The following ARID1B variants were observed in gnomAD, a reference collection of about 807,000 sequenced individuals.
ARID1B encodes AT-rich interactive domain-containing protein 1B.
A neutral mutation model predicts 212.3 loss-of-function variants in ARID1B; 30 were observed. The ratio of observed to expected loss-of-function variants is 0.14; its 90% CI spans 0.11 to 0.19. The LOEUF is 0.19. Among genes scored for constraint, ARID1B ranks in the 10% least tolerant of loss-of-function variants. The pLI is 1.00. For missense variants in ARID1B, 2,891 were observed against 3,204.0 expected (o/e 0.90, Z 2.36); for synonymous variants, 1,402 against 1,301.7 (o/e 1.08, Z -1.66).
chr6:157,202,673 C>A (rs1794184699), intron 18 of ARID1B, among the ~76,000 whole-genome samples: 1 of 150,828 alleles, frequency 6.6e-6, no homozygotes. Flanking sequence ...CACACATATT[C>A]CTTTATATAT....
In ARID1B at chr6:157,181,121, G is replaced by A. The variant is rs374705142; in HGVS notation, c.3657G>A (p.Lys1219=). ...CAAGTCTGCCTGCCGTGGGCAAGAA[G>A]CCCCTGGACCTGTTCCGACTCTACG... ...PVSSLPAVGK[K]PLDLFRLYVC... Residue 1219 remains lysine (K), a synonymous_variant, in exon 12 of 20, where the codon AAG becomes AAA. Transcript: ENST00000636930. 2.5e-6 allele frequency: 4 copies of A among 1,614,100 alleles called. No homozygotes were observed. The African/African-American group carries it at 5.3e-5, about 22-fold the overall frequency.
intron 7 of ARID1B, among the ~76,000 whole-genome samples, chr6:157,146,179 T>C (rs1012084914): frequency 3.9e-5 from 6 of 152,118 alleles, no homozygotes; most frequent in African/African-American, 1.4e-4. Flanking sequence ...ATAAGTGCCC[T>C]TTCCCCTCTT....
Position 156,778,607 on chromosome 6 carries a change from C to A in ARID1B, c.927C>A (p.Ala309=), listed in dbSNP as rs1450163641. Residue 309 remains alanine, a synonymous_variant, in exon 1 of 20, where the codon GCC becomes GCA. Transcript: ENST00000636930. ...CCGGGGGCGGCGGCGGCCCGGCGGCCGTCCCGGAGTTTAATAATTACTATG... is the reference window on the plus strand; with the variant it reads ...CCGGGGGCGGCGGCGGCCCGGCGGCAGTCCCGGAGTTTAATAATTACTATG... ...AVPGGGGGPA[A]VPEFNNYYGS... is the part of the protein sequence containing the mutation. The A allele has an allele frequency of 6.1e-6, 8 of 1,305,228 alleles. No homozygotes were observed. In the African/African-American group the frequency reaches 1.1e-4, roughly 18 times the overall value. 80.9% of individuals were successfully genotyped at this position (1,305,228 alleles called of 1,614,324 possible).
In ARID1B at chr6:156,987,758, A is replaced by AC. The variant is rs200694511; in HGVS notation, c.2247+52183dup. 5.2e-3 allele frequency among the ~76,000 whole-genome samples: 797 copies of AC among 152,364 alleles called. 4 individuals carry two copies. The highest frequency in any genetic ancestry group is 0.018 in the African/African-American group (759 of 41,588). ...TCTCATACTTGATAGTTATAGTAAT[A>AC]CATAAGCTTTAGTCATTGACAGGCC... On this transcript the variant is annotated intron_variant, in intron 4 of 19. Transcript: ENST00000636930.
At chr6:157,132,579 C>T (rs777143499) in intron 6 of ARID1B, among the ~76,000 whole-genome samples, 8 of 152,266 alleles carry the variant, frequency 5.3e-5, no homozygotes, top group Middle Eastern at 6.8e-3. Context: ...CTGGGTCTGA[C>T]GAGTGGGATC....
intron 15 of ARID1B, chr6:157,194,457 A>C (rs1328354284): frequency 2.6e-5 from 4 of 152,240 alleles, no homozygotes; most frequent in African/African-American, 9.6e-5. Flanking sequence ...ACATAAAAGT[A>C]ACTATCATAG....
At chr6:156,893,688 A>C (rs1788146997) in intron 2 of ARID1B, among the ~76,000 whole-genome samples, 1 of 152,218 alleles carries the variant, frequency 6.6e-6, no homozygotes, top group South Asian at 2.1e-4. Context: ...ACTCAACAGC[A>C]CTGATCATTA....
chr6:157,018,833 A>G (rs1326622331), intron 4 of ARID1B, among the ~76,000 whole-genome samples: 2 of 152,230 alleles, frequency 1.3e-5, no homozygotes, highest in Non-Finnish European at 2.9e-5. Context: ...TATATATACA[A>G]CAGTAAAATT....
chr6:157,110,844 T>A (rs1429075347), intron 6 of ARID1B: 2 of 473,286 alleles, frequency 4.2e-6, no homozygotes, highest in African/African-American at 3.9e-5. Context: ...TGTAGTCTGG[T>A]ATTTGGTCTA....
chr6:157,124,018 A>T (rs1162209342), intron 6 of ARID1B, among the ~76,000 whole-genome samples: 1 of 152,252 alleles, frequency 6.6e-6, no homozygotes, highest in African/African-American at 2.4e-5. Flanking sequence ...TCTGATAGAC[A>T]TTTAGGCCAT....
intron 4 of ARID1B, among the ~76,000 whole-genome samples, chr6:157,069,974 G>T (rs939223877): frequency 6.6e-6 from 1 of 152,228 alleles, no homozygotes. Context: ...CCTGATAGAG[G>T]ATAGCCAGTA....
At chr6:156,980,299 A>T (rs1777524050) in intron 4 of ARID1B, among the ~76,000 whole-genome samples, 1 of 152,048 alleles carries the variant, frequency 6.6e-6, no homozygotes, top group Admixed American at 6.5e-5. Flanking sequence ...CCCGGCCCAC[A>T]CAATGAAACC....
rs537478531 is a variant in ARID1B at position 157,078,926 on chromosome 6, C to G, written c.2248-5736C>G. Among the ~76,000 whole-genome samples, 27 of 152,200 alleles carry G rather than the reference C, an allele frequency of 1.8e-4. No homozygotes were observed. The South Asian group carries it at 5.6e-3, about 32-fold the overall frequency. On this transcript the variant is annotated intron_variant, in intron 4 of 19. Coordinates refer to ENST00000636930, the MANE Select transcript of ARID1B (RefSeq NM_001374828.1). Reference sequence around the variant, plus strand: ...TCACCCAAAAGTAGTTCTTGGCCACCCCTCTTAAAGTGAATTTTGGCTCAT... The same window carrying G: ...TCACCCAAAAGTAGTTCTTGGCCACGCCTCTTAAAGTGAATTTTGGCTCAT...
chr6:157,203,903 A>G lies in ARID1B; in HGVS notation c.5301A>G (p.Lys1767=). Residue 1767 remains lysine, a synonymous_variant, in exon 19 of 20, where the codon AAA becomes AAG. Transcript: ENST00000636930. The surrounding 1 kb of genome is among the most constrained non-coding windows in gnomAD (Gnocchi z 4.4). The part of the protein sequence containing the change: ...PEAWRVMMSL[K]SGLLAESTWA... The stretch of plus-strand genomic sequence containing the variant: ...CGTGGCGTGTGATGATGTCCCTTAA[A>G]TCAGGTCTTTTGGCTGAGAGTACGT... 1.2e-6 allele frequency: 2 copies of G among 1,614,112 alleles called. No individual in the cohort carries two copies. Among genetic ancestry groups the G allele is most frequent in the Non-Finnish European group, 1.7e-6 (2 of 1,179,994 alleles).
intron 3 of ARID1B, among the ~76,000 whole-genome samples, chr6:156,921,498 G>C (rs927257242): frequency 2.1e-5 from 3 of 146,074 alleles, no homozygotes; most frequent in Non-Finnish European, 4.5e-5. Flanking sequence ...CACACAAAAT[G>C]TAAGGGAATC....
chr6:157,078,786 T>G (rs561264190), intron 4 of ARID1B, among the ~76,000 whole-genome samples: 6 of 152,330 alleles, frequency 3.9e-5, no homozygotes, highest in Non-Finnish European at 5.9e-5. Flanking sequence ...GAATTTTGCT[T>G]TTGTAAAGTG....
At chr6:156,829,651 C>T (rs1300140272) in intron 2 of ARID1B, 1 of 493,444 alleles carries the variant, frequency 2.0e-6, no homozygotes, top group Non-Finnish European at 3.6e-6. Context: ...GCAGCAGGAC[C>T]AGCTGTATTT....
intron 8 of ARID1B, among the ~76,000 whole-genome samples, chr6:157,162,009 CTGGG>C (rs1790979108): frequency 6.6e-6 from 1 of 152,212 alleles, no homozygotes; most frequent in Non-Finnish European, 1.5e-5. Flanking sequence ...GTGTCTGCCA[CTGGG>C]ATGGGACTTT....
chr6:156,984,342 G>C (rs1377333827), intron 4 of ARID1B, among the ~76,000 whole-genome samples: 2 of 152,136 alleles, frequency 1.3e-5, no homozygotes, highest in African/African-American at 4.8e-5. Flanking sequence ...TGTCTCATCA[G>C]AATGGAATTT....
Sources: gnomAD v4.1 joint callset for allele counts (sites outside exome capture counted in the v4.1 genomes callset) on GRCh38, gnomAD v4.1.1 for gene constraint, Gnocchi (gnomAD v3.1) non-coding constraint, MANE v1.5 for transcripts, NCBI Gene and HGNC (gene_info 2026-07-23, HGNC 2026-07-21) for gene names.